CSMD1: variants seen among roughly 807,000 people sequenced by gnomAD.
The protein encoded by CSMD1 is CUB and Sushi multiple domains 1.
Under a neutral mutation model 417.5 loss-of-function variants are expected in CSMD1, and 213 were observed. That is an observed-to-expected ratio of 0.51 (90% CI 0.46 to 0.57). CSMD1 has a LOEUF of 0.57. Among genes scored for constraint, CSMD1 ranks in the 20% least tolerant of loss-of-function variants. The probability of loss-of-function intolerance (pLI) is 0.00; values close to 1 mark genes in which losing one functional copy is unlikely to be tolerated. For missense variants in CSMD1, 6,923 were observed against 4,529.7 expected (o/e 1.53, Z -15.17); for synonymous variants, 2,862 against 1,736.8 (o/e 1.65, Z -16.11).
rs188972125 is a variant in CSMD1, at chr8:3,617,947, C to T, written c.1010-1150G>A. Among the ~76,000 whole-genome samples, 68 of 152,198 alleles carry T rather than the reference C, an allele frequency of 4.5e-4. No individual in the cohort carries two copies. The East Asian group carries it at 0.012, about 26-fold the overall frequency. On this transcript the variant is annotated intron_variant, in intron 7 of 69. Coordinates refer to ENST00000635120, the MANE Select transcript of CSMD1 (RefSeq NM_033225.6). Reference sequence around the variant, plus strand: ...AATATGTCTGGGTATATGTGGAACTCGTGAAGCATTTGATTAAAATTACCA... The same window carrying T: ...AATATGTCTGGGTATATGTGGAACTTGTGAAGCATTTGATTAAAATTACCA...
intron 26 of CSMD1, among the ~76,000 whole-genome samples, chr8:3,258,351 A>G (rs753163507): frequency 4.6e-5 from 7 of 152,300 alleles, no homozygotes; most frequent in African/African-American, 4.8e-5. Flanking sequence ...AAAGCTCACC[A>G]TCACTGATCG....
At chr8:4,265,557 A>G (rs1804186957) in intron 3 of CSMD1, among the ~76,000 whole-genome samples, 1 of 105,308 alleles carries the variant, frequency 9.5e-6, no homozygotes, top group African/African-American at 2.6e-5. Context: ...TTCTATTCAT[A>G]TACTCCTATG....
Position 4,417,775 on chromosome 8 carries a change from A to C in CSMD1, c.415+2178T>G, listed in dbSNP as rs116692237. Among the ~76,000 whole-genome samples the C allele has an allele frequency of 1.1e-4, 17 of 151,974 alleles. No homozygotes were observed. The East Asian group carries it at 3.1e-3, about 28-fold the overall frequency. On this transcript the variant is annotated intron_variant, in intron 3 of 69. Transcript: ENST00000635120. ...AAACATTTTTCTAATTATTATCATT[A>C]ATTCTACTTCATATACATATATATA...
At chr8:3,862,019 A>T (rs1290952888) in intron 5 of CSMD1, among the ~76,000 whole-genome samples, 1 of 152,178 alleles carries the variant, frequency 6.6e-6, no homozygotes, top group Non-Finnish European at 1.5e-5. Flanking sequence ...CAACACAATC[A>T]TTCCATGCCC....
intron 1 of CSMD1, among the ~76,000 whole-genome samples, chr8:4,757,602 C>G (rs191928671): frequency 5.3e-5 from 8 of 152,274 alleles, no homozygotes; most frequent in Non-Finnish European, 7.4e-5. Flanking sequence ...AGACATATCT[C>G]TACCAAGTTG....
intron 2 of CSMD1, among the ~76,000 whole-genome samples, chr8:4,600,961 T>G (rs1800547938): frequency 1.3e-5 from 2 of 151,400 alleles, no homozygotes; most frequent in Admixed American, 6.6e-5. Flanking sequence ...ATTAGATTTT[T>G]TTTTTTTTTT....
chr8:3,160,526 C>A (rs112148204), intron 38 of CSMD1, among the ~76,000 whole-genome samples: 1 of 152,136 alleles, frequency 6.6e-6, no homozygotes, highest in Non-Finnish European at 1.5e-5. Context: ...ACTGAGGTAT[C>A]CCAACTTTCA....
rs756425099 is a variant in CSMD1, at chr8:3,284,280, C to T, written c.4017G>A (p.Val1339=). Residue 1339 remains valine, a synonymous_variant, in exon 26 of 70, where the codon GTG becomes GTA. Transcript: ENST00000635120. Reference sequence around the variant, plus strand: ...ACTCCTTCAGCAGGATGTCACTGTCCACCGGCCCGTCCCAGACCTTGAGGA... The same window carrying T: ...ACTCCTTCAGCAGGATGTCACTGTCTACCGGCCCGTCCCAGACCTTGAGGA... ...HDILKVWDGP[V]DSDILLKEWS... 3.1e-6 allele frequency: 5 copies of T among 1,613,806 alleles called. No individual in the cohort carries two copies. The African/African-American group carries it at 4.0e-5, about 13-fold the overall frequency.
At chr8:3,986,782 G>T (rs1554508047) in intron 5 of CSMD1, among the ~76,000 whole-genome samples, 1 of 151,598 alleles carries the variant, frequency 6.6e-6, no homozygotes, top group Non-Finnish European at 1.5e-5. Flanking sequence ...TTTAGATGGA[G>T]TCTCACCCTG....
chr8:3,573,617 G>A (rs1318464062), intron 10 of CSMD1, among the ~76,000 whole-genome samples: 1 of 152,144 alleles, frequency 6.6e-6, no homozygotes, highest in Non-Finnish European at 1.5e-5. Flanking sequence ...AAAGGCATCT[G>A]TGATGAACAC....
intron 1 of CSMD1, among the ~76,000 whole-genome samples, chr8:4,874,438 G>T: frequency 7.0e-6 from 1 of 143,580 alleles, no homozygotes; most frequent in Admixed American, 7.2e-5. Flanking sequence ...CACCCAGGCT[G>T]GCATGCAGTG....
At chr8:3,002,101 C>A (rs918385561) in intron 52 of CSMD1, among the ~76,000 whole-genome samples, 1 of 152,142 alleles carries the variant, frequency 6.6e-6, no homozygotes, top group East Asian at 1.9e-4. Flanking sequence ...TGTGCATTGG[C>A]AGGTATTCCA....
chr8:4,241,125 C>A lies in CSMD1; in HGVS notation c.415+178828G>T, dbSNP rs940275122. Among the ~76,000 whole-genome samples, 5 of 152,170 alleles carry A rather than the reference C, an allele frequency of 3.3e-5. No individual in the cohort carries two copies. The East Asian group carries it at 9.7e-4, about 29-fold the overall frequency. ...CCTCTAAACCTGTGTTTCAATGAAC[C>A]CTAGCTTCACTGATGGCCCTACAGC... is the stretch of plus-strand genomic sequence containing the variant. On this transcript the variant is annotated intron_variant, in intron 3 of 69. Coordinates refer to ENST00000635120, the MANE Select transcript of CSMD1 (RefSeq NM_033225.6).
At chr8:4,355,038 G>A (rs181099436) in intron 3 of CSMD1, among the ~76,000 whole-genome samples, 2,968 of 151,900 alleles carry the variant, frequency 0.02, 101 homozygotes, top group African/African-American at 0.068. Context: ...CGAGGCGGGC[G>A]GATGACGAGG....
intron 40 of CSMD1, among the ~76,000 whole-genome samples, chr8:3,146,245 T>G (rs1389130633): frequency 6.6e-6 from 1 of 152,070 alleles, no homozygotes; most frequent in Non-Finnish European, 1.5e-5. Flanking sequence ...AACTGTGCCC[T>G]TAGACACTCT....
At chr8:3,243,334 T>C (rs189000236) in intron 26 of CSMD1, among the ~76,000 whole-genome samples, 10 of 152,276 alleles carry the variant, frequency 6.6e-5, no homozygotes, top group Admixed American at 3.9e-4. Context: ...CTCGCGTCCA[T>C]GTGAAGACAC....
intron 3 of CSMD1, among the ~76,000 whole-genome samples, chr8:4,378,234 A>G (rs1482041623): frequency 6.6e-6 from 1 of 152,224 alleles, no homozygotes; most frequent in Non-Finnish European, 1.5e-5. Context: ...AGATTTCCTT[A>G]AAATTACTTT....
At chr8:3,907,943 T>G (rs529165070) in intron 5 of CSMD1, among the ~76,000 whole-genome samples, 3 of 152,192 alleles carry the variant, frequency 2.0e-5, no homozygotes, top group East Asian at 1.9e-4. Flanking sequence ...ATTGATTTTT[T>G]TGGGGGGTGT....
At chr8:3,884,196 T>C (rs146924509) in intron 5 of CSMD1, among the ~76,000 whole-genome samples, 608 of 152,334 alleles carry the variant, frequency 4.0e-3, no homozygotes, top group Non-Finnish European at 6.6e-3. Context: ...ACTTTTTAAA[T>C]AGGTAAGTTT....
Sources: allele counts gnomAD v4.1 joint callset (sites outside exome capture counted in the v4.1 genomes callset), GRCh38; gene constraint gnomAD v4.1.1; transcripts MANE v1.5; gene names NCBI Gene and HGNC (gene_info 2026-07-23, HGNC 2026-07-21).